CRADD: variants seen among roughly 807,000 people sequenced by gnomAD.
CRADD encodes the protein CARD and death domain containing adaptor protein.
In CRADD, 9 loss-of-function variants were observed where a neutral mutation model predicts 15.5. That is an observed-to-expected ratio of 0.58 (90% confidence interval 0.35 to 1.01). CRADD has a LOEUF of 1.01. Among genes scored for constraint, CRADD ranks in the 50% least tolerant of loss-of-function variants. The pLI is 0.02. For missense variants in CRADD, 227 were observed against 250.3 expected (o/e 0.91, Z 0.63); for synonymous variants, 118 against 107.6 (o/e 1.10, Z -0.60).
At chr12:93,885,133 G>T (rs1468169046) in intron 2 of CRADD, among the ~76,000 whole-genome samples, 3 of 152,274 alleles carry the variant, frequency 2.0e-5, no homozygotes, top group South Asian at 2.1e-4. Context: ...ATGTGGAAAG[G>T]TTAACTGAAG....
At chr12:93,759,841 A>G (rs1341408419) in intron 2 of CRADD, among the ~76,000 whole-genome samples, 1 of 152,214 alleles carries the variant, frequency 6.6e-6, no homozygotes, top group African/African-American at 2.4e-5. Context: ...AAATGGGAGA[A>G]CAACAAGGAC....
chr12:93,867,405 T>TATATAGATATATATATATATATATA lies in CRADD; in HGVS notation c.299-26645_299-26644insATATAGATATATATATATATATATA, dbSNP rs1207739624. 2.0e-5 allele frequency among the ~76,000 whole-genome samples: 2 copies of TATATAGATATATATATATATATATA among 102,072 alleles called. 1 individual carries two copies. The highest frequency in any genetic ancestry group is 4.6e-5 in the Non-Finnish European group (2 of 43,814). The allele number at this position is 102,072 out of a possible 152,430, so 67.0% of individuals were successfully genotyped here. The stretch of plus-strand genomic sequence containing the variant: ...GTATTTGACATATATATATATATAT[T>TATATAGATATATATATATATATATA]TTTTAAACTTGGAAGTCCAAGATCA... On this transcript the variant is annotated intron_variant, in intron 2 of 2. Coordinates refer to the CRADD transcript ENST00000548483.
At chr12:93,833,413 A>G (rs1957932771) in intron 2 of CRADD, among the ~76,000 whole-genome samples, 1 of 152,136 alleles carries the variant, frequency 6.6e-6, no homozygotes, top group Non-Finnish European at 1.5e-5. Context: ...CTCACAGCTC[A>G]CTGCAGCCTC....
intron 2 of CRADD, among the ~76,000 whole-genome samples, chr12:93,886,859 T>G (rs571266298): frequency 1.3e-5 from 2 of 152,212 alleles, no homozygotes; most frequent in Non-Finnish European, 2.9e-5. Context: ...AGGGACCATT[T>G]TATGGTCATG....
At chr12:93,740,866 C>T (rs1956655486) in intron 2 of CRADD, among the ~76,000 whole-genome samples, 1 of 151,894 alleles carries the variant, frequency 6.6e-6, no homozygotes, top group South Asian at 2.1e-4. Flanking sequence ...TACTTAATAC[C>T]TTTTAAAAGC....
intron 2 of CRADD, among the ~76,000 whole-genome samples, chr12:93,684,287 G>A (rs1955385225): frequency 6.6e-6 from 1 of 152,210 alleles, no homozygotes; most frequent in Non-Finnish European, 1.5e-5. Flanking sequence ...TGGGGGGAAT[G>A]ATGGTTTCGG....
At chr12:93,773,795 G>A (rs1050997704) in intron 2 of CRADD, among the ~76,000 whole-genome samples, 2 of 145,178 alleles carry the variant, frequency 1.4e-5, no homozygotes, top group African/African-American at 5.1e-5. Context: ...AGAACTCATA[G>A]CCATACCTAC....
At chr12:93,837,980 G>A (rs1031600039) in intron 2 of CRADD, 10 of 152,048 alleles carry the variant, frequency 6.6e-5, no homozygotes, top group Admixed American at 6.5e-4. Flanking sequence ...TTTTATTGTT[G>A]ACCTTCCATG....
chr12:93,746,808 A>G (rs1197040964), intron 2 of CRADD, among the ~76,000 whole-genome samples: 2 of 151,886 alleles, frequency 1.3e-5, no homozygotes, highest in African/African-American at 4.8e-5. Flanking sequence ...GAAGAAGGAA[A>G]GAAGGATAAT....
intron 2 of CRADD, among the ~76,000 whole-genome samples, chr12:93,891,657 G>A (rs1249132900): frequency 2.0e-5 from 3 of 152,212 alleles, no homozygotes; most frequent in Non-Finnish European, 4.4e-5. Context: ...TGCTATGCAC[G>A]TATTACTTCA....
chr12:93,703,165 G>T (rs1050129922), intron 2 of CRADD, among the ~76,000 whole-genome samples: 3 of 152,034 alleles, frequency 2.0e-5, no homozygotes, highest in African/African-American at 7.2e-5. Flanking sequence ...GGTCACAAAA[G>T]AAGTTTCTCT....
chr12:93,767,409 G>A (rs377703146), intron 2 of CRADD, among the ~76,000 whole-genome samples: 16 of 152,254 alleles, frequency 1.1e-4, no homozygotes, highest in East Asian at 9.6e-4. Context: ...GTGATGCTTT[G>A]CATTTATTTG....
intron 2 of CRADD, among the ~76,000 whole-genome samples, chr12:93,706,559 G>A (rs1035531468): frequency 6.6e-6 from 1 of 152,190 alleles, no homozygotes; most frequent in African/African-American, 2.4e-5. Flanking sequence ...CATGAAATGA[G>A]TGTGCTGTTT....
chr12:93,690,931 T>C (rs2136813566), intron 2 of CRADD, among the ~76,000 whole-genome samples: 1 of 152,346 alleles, frequency 6.6e-6, no homozygotes, highest in African/African-American at 2.4e-5. Context: ...TATGTCAGTC[T>C]CTTTTTTAAC....
chr12:93,863,988 CTTAA>C (rs1358011287), intron 2 of CRADD, among the ~76,000 whole-genome samples: 2 of 152,126 alleles, frequency 1.3e-5, no homozygotes, highest in Non-Finnish European at 2.9e-5. Flanking sequence ...ACAAACTATT[CTTAA>C]TTAATGATAC....
At chr12:93,752,627 A>G (rs1214298394) in intron 2 of CRADD, among the ~76,000 whole-genome samples, 5 of 152,226 alleles carry the variant, frequency 3.3e-5, no homozygotes, top group Admixed American at 2.6e-4. Flanking sequence ...GGTAAAATGG[A>G]TAATGTATTA....
chr12:93,879,557 C>T (rs1299846362), intron 2 of CRADD, among the ~76,000 whole-genome samples: 1 of 152,192 alleles, frequency 6.6e-6, no homozygotes, highest in East Asian at 1.9e-4. Flanking sequence ...ATGTGTTTTA[C>T]TCCAAGGTTC....
intron 2 of CRADD, among the ~76,000 whole-genome samples, chr12:93,714,025 G>A (rs760678674): frequency 6.6e-6 from 1 of 152,164 alleles, no homozygotes; most frequent in Non-Finnish European, 1.5e-5. Context: ...TCTTTGGATG[G>A]CTCTCATTCG....
chr12:93,781,318 C>G (rs1957207907), intron 2 of CRADD, among the ~76,000 whole-genome samples: 1 of 152,122 alleles, frequency 6.6e-6, no homozygotes, highest in East Asian at 1.9e-4. Context: ...GTTAGGGCAC[C>G]AAGTCATTGT....
Sources: gnomAD v4.1 joint callset for allele counts (sites outside exome capture counted in the v4.1 genomes callset) on GRCh38, gnomAD v4.1.1 for gene constraint, MANE v1.5 for transcripts, NCBI Gene and HGNC (gene_info 2026-07-23, HGNC 2026-07-21) for gene names.